PCDHGA12: variants seen among roughly 807,000 people sequenced by gnomAD.
The protein encoded by PCDHGA12 is protocadherin gamma subfamily A, 12.
In PCDHGA12, 43 loss-of-function variants were observed where a neutral mutation model predicts 61.1. That is an observed-to-expected ratio of 0.70 (90% CI 0.55 to 0.91). The LOEUF (loss-of-function observed/expected upper bound fraction) is 0.91. PCDHGA12 is among the 40% of genes least tolerant of loss of function. The probability of loss-of-function intolerance (pLI) is 0.00; values close to 1 mark genes in which losing one functional copy is unlikely to be tolerated. For synonymous variants in PCDHGA12, 520 were observed against 542.9 expected (o/e 0.96, Z 0.59); for missense variants, 1,236 against 1,227.7 (o/e 1.01, Z -0.10).
At position 141,493,202 on chromosome 5, in the gene PCDHGA12, A is replaced by G. The variant is rs1246390819; in HGVS notation, c.2425-1605A>G. Among the ~76,000 whole-genome samples, 1 of 152,196 alleles carries G rather than the reference A, an allele frequency of 6.6e-6. No individual in the cohort carries two copies. ...ACTATATAACTCCTTTGAGAACCTC[A>G]TCTCATTTGCTCTTCCCACCATTGC... On this transcript the variant is annotated intron_variant, in intron 1 of 3. Transcript: ENST00000252085. The surrounding 1 kb of genome is among the most constrained non-coding windows in gnomAD (Gnocchi z 4.3).
Position 141,489,980 on chromosome 5 carries a change from T to G in PCDHGA12, c.2425-4827T>G, listed in dbSNP as rs2099694325. 1.2e-6 allele frequency: 2 copies of G among 1,614,204 alleles called. No individual in the cohort carries two copies. The highest frequency in any genetic ancestry group is 1.7e-6 in the Non-Finnish European group (2 of 1,180,012). On this transcript the variant is annotated intron_variant, in intron 1 of 3. Transcript: ENST00000252085. This position sits in a 1 kb window ranked among gnomAD's most constrained non-coding sequence, Gnocchi z 4.5. ...GCTCCAACCTTCCAATCCTCAGTTC[T>G]ACGTGTGGGAATCCCAGAGAATGCA...
At position 141,481,719 on chromosome 5, in the gene PCDHGA12, G is replaced by A. The variant is rs1055207250; in HGVS notation, c.2425-13088G>A. On this transcript the variant is annotated intron_variant, in intron 1 of 3. Coordinates refer to ENST00000252085, the MANE Select transcript of PCDHGA12 (RefSeq NM_003735.3). ...CTGTAATCCCAGCACTTTGGGAGGC[G>A]GAGGCGGGCGGATCACGAGGTCAGG... 5.3e-5 allele frequency among the ~76,000 whole-genome samples: 8 copies of A among 151,716 alleles called. No homozygotes were observed. In the East Asian group the frequency reaches 9.7e-4, roughly 18 times the overall value.
rs1273620361 is a variant in PCDHGA12, at chr5:141,486,809, A to G, written c.2425-7998A>G. 1 of 1,614,106 alleles carries G rather than the reference A, an allele frequency of 6.2e-7. No homozygotes were observed. The highest frequency in any genetic ancestry group is 1.3e-5 in the African/African-American group (1 of 74,936). On this transcript the variant is annotated intron_variant, in intron 1 of 3. Coordinates refer to ENST00000252085, the MANE Select transcript of PCDHGA12 (RefSeq NM_003735.3). This position sits in a 1 kb window ranked among gnomAD's most constrained non-coding sequence, Gnocchi z 5.0. ...CCGGGATCGGGGCAACCCACCCCTT[A>G]GCAGCACTGTAACAGTTCGTCTATT...
At chr5:141,479,633 T>TAACAAC (rs749744124) in intron 1 of PCDHGA12, 1 of 152,114 alleles carries the variant, frequency 6.6e-6, no homozygotes, top group Admixed American at 6.5e-5. Flanking sequence ...TCTTTAACAA[T>TAACAAC]AACAACAACA....
At chr5:141,450,033 G>T (rs1377962229) in intron 1 of PCDHGA12, among the ~76,000 whole-genome samples, 2 of 131,450 alleles carry the variant, frequency 1.5e-5, no homozygotes, top group Admixed American at 8.4e-5. Flanking sequence ...TTGAGACAGG[G>T]TCTCACTCTT....
Position 141,432,075 on chromosome 5 carries a change from C to T in PCDHGA12, c.1316C>T (p.Ser439Leu). The change falls in exon 1 of 4, where the codon TCG becomes TTG. Residue 439 changes from serine to leucine, a missense_variant. Transcript: ENST00000252085. The surrounding 1 kb of genome is among the most constrained non-coding windows in gnomAD (Gnocchi z 6.0). ...CCCCTATCCACGGAAACTCATATCT[C>T]GCTGAACGTGGCAGACACCAACGAC... ...TPPLSTETHI[S>L]LNVADTNDNP... 3 of 1,614,204 alleles carry T rather than the reference C, an allele frequency of 1.9e-6. No homozygotes were observed. Among genetic ancestry groups the T allele is most frequent in the Non-Finnish European group, 2.5e-6 (3 of 1,180,046 alleles).
chr5:141,494,678 G>A, intron 1 of PCDHGA12, 129 bp from the exon 2 acceptor site: 1 of 1,554,384 alleles, frequency 6.4e-7, no homozygotes, highest in Non-Finnish European at 8.7e-7. Flanking sequence ...GTCCACCCCT[G>A]CCCCCTCTTA....
At chr5:141,456,695 T>C (rs1264543968) in intron 1 of PCDHGA12, among the ~76,000 whole-genome samples, 2 of 152,136 alleles carry the variant, frequency 1.3e-5, no homozygotes, top group Non-Finnish European at 2.9e-5. Flanking sequence ...CCAGGCGTGG[T>C]GGCTCGCGCC....
intron 1 of PCDHGA12, among the ~76,000 whole-genome samples, chr5:141,469,108 C>A (rs923728484): frequency 4.0e-5 from 6 of 151,768 alleles, no homozygotes; most frequent in Non-Finnish European, 5.9e-5. Context: ...AAGAACCTGT[C>A]TCTAAAAAAA....
chr5:141,489,579 C>G lies in PCDHGA12; in HGVS notation c.2425-5228C>G, dbSNP rs112808093. 3.7e-6 allele frequency: 6 copies of G among 1,613,922 alleles called. No individual in the cohort carries two copies. The Admixed American group carries it at 5.0e-5, about 13-fold the overall frequency. On this transcript the variant is annotated intron_variant, in intron 1 of 3. Transcript: ENST00000252085. This position sits in a 1 kb window ranked among gnomAD's most constrained non-coding sequence, Gnocchi z 4.5. ...CAGTGCAGGTGGTGACTGAACACCC[C>G]CTGGAGCTAATCCGTGTAGAGGTAG... is the stretch of plus-strand genomic sequence containing the variant.
intron 2 of PCDHGA12, among the ~76,000 whole-genome samples, chr5:141,502,947 G>A (rs933409229): frequency 3.0e-4 from 45 of 151,030 alleles, no homozygotes; most frequent in Admixed American, 1.8e-3. Context: ...GGGTTCAAGC[G>A]ATTCTCCTGC....
intron 1 of PCDHGA12, among the ~76,000 whole-genome samples, chr5:141,494,447 G>C (rs1413012155): frequency 6.6e-6 from 1 of 152,118 alleles, no homozygotes. Context: ...GCCACTTTAG[G>C]GGGCTTTGTC....
At chr5:141,438,583 CATACATACATATATATATATATATATAT>C (rs1227221577) in intron 1 of PCDHGA12, among the ~76,000 whole-genome samples, 1 of 57,610 alleles carries the variant, frequency 1.7e-5, no homozygotes, top group African/African-American at 9.0e-5. Flanking sequence ...TACATACATA[CATACATACATATATATATATATATATAT>C]ATATATATAT....
intron 1 of PCDHGA12, among the ~76,000 whole-genome samples, chr5:141,457,632 G>A (rs919693977): frequency 6.6e-6 from 1 of 152,142 alleles, no homozygotes; most frequent in African/African-American, 2.4e-5. Flanking sequence ...CTTATACTTG[G>A]CCTGATTATT....
At chr5:141,510,315 G>A (rs2099880567) in intron 3 of PCDHGA12, among the ~76,000 whole-genome samples, 1 of 151,324 alleles carries the variant, frequency 6.6e-6, no homozygotes, top group African/African-American at 2.4e-5. Flanking sequence ...TGGAGGCTTG[G>A]AAGAGCACTC....
At chr5:141,443,759 A>G (rs1055796439) in intron 1 of PCDHGA12, among the ~76,000 whole-genome samples, 2 of 152,228 alleles carry the variant, frequency 1.3e-5, no homozygotes, top group African/African-American at 2.4e-5. Flanking sequence ...GAAGCTTACA[A>G]TATACAATAT....
At chr5:141,492,384 C>T (rs1001189412) in intron 1 of PCDHGA12, among the ~76,000 whole-genome samples, 1 of 152,230 alleles carries the variant, frequency 6.6e-6, no homozygotes, top group African/African-American at 2.4e-5. Context: ...AGGCCTGTTC[C>T]GGTCCACTCG....
intron 3 of PCDHGA12, among the ~76,000 whole-genome samples, chr5:141,510,533 C>A (rs1366903068): frequency 6.6e-6 from 1 of 152,118 alleles, no homozygotes; most frequent in Non-Finnish European, 1.5e-5. Flanking sequence ...GAGAGAAATA[C>A]CAGCGAATGT....
intron 1 of PCDHGA12, among the ~76,000 whole-genome samples, chr5:141,443,376 T>C (rs1365277469): frequency 6.6e-6 from 1 of 151,990 alleles, no homozygotes; most frequent in Admixed American, 6.6e-5. Flanking sequence ...TCTCAGCTAC[T>C]TGGGAGGCTG....
Sources: allele counts gnomAD v4.1 joint callset (sites outside exome capture counted in the v4.1 genomes callset), GRCh38; gene constraint gnomAD v4.1.1; non-coding constraint Gnocchi (gnomAD v3.1); transcripts MANE v1.5; gene names NCBI Gene and HGNC (gene_info 2026-07-23, HGNC 2026-07-21).